VTI1A: variants seen among roughly 807,000 people sequenced by gnomAD.
VTI1A encodes vesicle transport through interaction with t-SNAREs 1A.
Under a neutral mutation model 34.9 loss-of-function variants are expected in VTI1A, and 22 were observed. The ratio of observed to expected loss-of-function variants is 0.63; its 90% confidence interval spans 0.45 to 0.90. The LOEUF (loss-of-function observed/expected upper bound fraction) is 0.90. Ranked by LOEUF, VTI1A falls within the 40% of genes least tolerant of loss-of-function variation. The pLI is 0.00. For synonymous variants in VTI1A, 87 were observed against 97.3 expected (o/e 0.89, Z 0.62); for missense variants, 268 against 275.6 (o/e 0.97, Z 0.20).
the VTI1A span, among the ~76,000 whole-genome samples, chr10:112,830,963 C>T: frequency 2.7e-5 from 4 of 150,098 alleles, no homozygotes; most frequent in Admixed American, 6.6e-5. Flanking sequence ...GATCCTCCCA[C>T]CTCAACTTCC....
chr10:112,640,042 A>C (rs1846508680), intron 5 of VTI1A, among the ~76,000 whole-genome samples: 1 of 152,196 alleles, frequency 6.6e-6, no homozygotes, highest in Non-Finnish European at 1.5e-5. Flanking sequence ...GTAATGATTC[A>C]AGGGCCATTT....
chr10:112,805,240 T>C (rs1298851237), intron 7 of VTI1A, among the ~76,000 whole-genome samples: 1 of 152,210 alleles, frequency 6.6e-6, no homozygotes, highest in East Asian at 1.9e-4. Context: ...CCTCCTGTTT[T>C]AGCCACGGGC....
intron 5 of VTI1A, among the ~76,000 whole-genome samples, chr10:112,570,736 G>C (rs1176137501): frequency 2.6e-5 from 4 of 152,240 alleles, no homozygotes; most frequent in African/African-American, 9.6e-5. Flanking sequence ...TCTGGAGCCA[G>C]TAGAGGAATT....
At chr10:112,710,208 CT>C (rs36104889) in intron 7 of VTI1A, among the ~76,000 whole-genome samples, 121 of 136,280 alleles carry the variant, frequency 8.9e-4, no homozygotes, top group East Asian at 1.1e-3. Flanking sequence ...CAGTTAATGT[CT>C]TTTTTTTTTT....
At chr10:112,813,407 G>A (rs1853388368) in intron 7 of VTI1A, among the ~76,000 whole-genome samples, 1 of 152,200 alleles carries the variant, frequency 6.6e-6, no homozygotes, top group Admixed American at 6.5e-5. Context: ...GAATTTTAAA[G>A]AGTTTTCATG....
At chr10:112,456,077 G>A (rs1040201424) in intron 1 of VTI1A, among the ~76,000 whole-genome samples, 3 of 152,074 alleles carry the variant, frequency 2.0e-5, no homozygotes, top group African/African-American at 7.2e-5. Flanking sequence ...GTTTGGACAC[G>A]ATTTGTCAAG....
intron 5 of VTI1A, among the ~76,000 whole-genome samples, chr10:112,603,559 C>A (rs1844959791): frequency 6.6e-6 from 1 of 151,806 alleles, no homozygotes; most frequent in Non-Finnish European, 1.5e-5. Flanking sequence ...AGGTTTTTTT[C>A]CCTCATAGGA....
intron 5 of VTI1A, among the ~76,000 whole-genome samples, chr10:112,624,818 C>T (rs939712602): frequency 1.4e-4 from 21 of 152,056 alleles, no homozygotes; most frequent in African/African-American, 5.1e-4. Context: ...GATTAAGGGC[C>T]GGGCATGGTA....
intron 3 of VTI1A, among the ~76,000 whole-genome samples, chr10:112,493,714 G>C (rs1428125616): frequency 6.6e-6 from 1 of 152,102 alleles, no homozygotes; most frequent in African/African-American, 2.4e-5. Context: ...ATTTCATTCT[G>C]TTGAGATGGT....
chr10:112,762,327 T>G (rs1019531087), intron 7 of VTI1A, among the ~76,000 whole-genome samples: 17 of 152,070 alleles, frequency 1.1e-4, no homozygotes, highest in African/African-American at 4.1e-4. Context: ...AGGGGTGAAG[T>G]TGGACAAAAG....
rs78816909 is a variant in VTI1A, at chr10:112,599,498, C to T, written c.427+61168C>T. 7.9e-3 allele frequency among the ~76,000 whole-genome samples: 1,197 copies of T among 152,240 alleles called. 18 individuals carry two copies. Among genetic ancestry groups the T allele is most frequent in the African/African-American group, 0.027 (1,122 of 41,528 alleles). ...CATGGTGGATGCCAAACGACTGGACCGCCAATAAGCGCTGAAGGAGAAGGC... is the reference window on the plus strand; with the variant it reads ...CATGGTGGATGCCAAACGACTGGACTGCCAATAAGCGCTGAAGGAGAAGGC... On this transcript the variant is annotated intron_variant, in intron 5 of 7. Transcript: ENST00000393077.
At chr10:112,723,737 CAAAG>C (rs1329192212) in intron 7 of VTI1A, among the ~76,000 whole-genome samples, 1 of 152,186 alleles carries the variant, frequency 6.6e-6, no homozygotes, top group Non-Finnish European at 1.5e-5. Flanking sequence ...AGAGAAAAAT[CAAAG>C]AACACAATTA....
At chr10:112,703,232 C>T (rs1564890969) in intron 7 of VTI1A, among the ~76,000 whole-genome samples, 1 of 151,942 alleles carries the variant, frequency 6.6e-6, no homozygotes, top group African/African-American at 2.4e-5. Flanking sequence ...AATCATTACA[C>T]CTTGGGAAGA....
intron 5 of VTI1A, among the ~76,000 whole-genome samples, chr10:112,543,738 T>A (rs1371438207): frequency 1.3e-5 from 2 of 152,216 alleles, no homozygotes; most frequent in African/African-American, 4.8e-5. Context: ...GGTGTTTTAG[T>A]AATGAAGTTC....
At chr10:112,607,989 A>G (rs1845151327) in intron 5 of VTI1A, among the ~76,000 whole-genome samples, 1 of 152,000 alleles carries the variant, frequency 6.6e-6, no homozygotes, top group African/African-American at 2.4e-5. Context: ...TGGAATTGAC[A>G]CCTCATCACT....
intron 7 of VTI1A, among the ~76,000 whole-genome samples, chr10:112,791,163 C>T (rs537802767): frequency 4.6e-5 from 7 of 152,210 alleles, no homozygotes; most frequent in South Asian, 2.1e-4. Flanking sequence ...CTGTTTTTGG[C>T]GGAACTGTTG....
chr10:112,456,197 G>T (rs1847518171), intron 1 of VTI1A, among the ~76,000 whole-genome samples: 1 of 152,132 alleles, frequency 6.6e-6, no homozygotes, highest in South Asian at 2.1e-4. Context: ...GAGGCAGGTG[G>T]ATCACTTGAG....
At chr10:112,550,491 A>G (rs1851308927) in intron 5 of VTI1A, among the ~76,000 whole-genome samples, 1 of 152,128 alleles carries the variant, frequency 6.6e-6, no homozygotes, top group African/African-American at 2.4e-5. Context: ...GATGGGCATG[A>G]GCTTTAAAAA....
At chr10:112,618,397 A>T (rs1469430724) in intron 5 of VTI1A, among the ~76,000 whole-genome samples, 1 of 150,314 alleles carries the variant, frequency 6.7e-6, no homozygotes, top group Non-Finnish European at 1.5e-5. Context: ...CCTTAGGTGC[A>T]AAGCTAAAAG....
Sources: allele counts gnomAD v4.1 joint callset (sites outside exome capture counted in the v4.1 genomes callset), GRCh38; gene constraint gnomAD v4.1.1; transcripts MANE v1.5; gene names NCBI Gene and HGNC (gene_info 2026-07-23, HGNC 2026-07-21).